GALK1: variants seen among roughly 807,000 people sequenced by gnomAD.
The protein encoded by GALK1 is galactokinase 1.
GALK1 carries 30 observed loss-of-function variants against 38.6 expected under a neutral mutation model. The observed-to-expected ratio is 0.78, with a 90% CI of 0.58 to 1.05. The LOEUF (loss-of-function observed/expected upper bound fraction) is 1.05. Ranked by LOEUF, GALK1 falls within the 50% of genes least tolerant of loss-of-function variation. GALK1 has a pLI of 0.00. For missense variants in GALK1, 512 were observed against 540.5 expected, an observed-to-expected ratio of 0.95 and a Z score of 0.52; for synonymous variants, 240 against 233.6, an observed-to-expected ratio of 1.03 and a Z score of -0.25.
At chr17:75,753,823 G>T (rs761289942), downstream of GALK1, 2 of 1,462,066 alleles carry the variant, frequency 1.4e-6, no homozygotes, top group Non-Finnish European at 1.8e-6. Context: ...GGCGCGTCAC[G>T]TGGCGGCTGC....
chr17:75,763,658 G>C, intron 2 of GALK1: 1 of 695,208 alleles, frequency 1.4e-6, no homozygotes, highest in Non-Finnish European at 2.4e-6. Flanking sequence ...TGTCCTCCTG[G>C]TTTAGGGCTC....
At position 75,758,103 on chromosome 17, in the gene GALK1, A is replaced by C. The variant is rs2061561169; in HGVS notation, c.1132T>G (p.Phe378Val). 1.2e-6 allele frequency: 2 copies of C among 1,611,934 alleles called. No homozygotes were observed. The highest frequency in any genetic ancestry group is 2.7e-5 in the African/African-American group (2 of 74,902). Reference sequence around the variant, plus strand: ...CCATCGGCTGCTTGAGAGAGGTAGAAGGTGGCAGTCCCGCCGTAGTGCTCC... The same window carrying C: ...CCATCGGCTGCTTGAGAGAGGTAGACGGTGGCAGTCCCGCCGTAGTGCTCC... Reference protein sequence around the residue: ...IQEHYGGTATFYLSQAADGAK... With the variant: ...IQEHYGGTATVYLSQAADGAK... The change falls in exon 8 of 8, where the codon TTC (phenylalanine) becomes GTC (valine). Residue 378 changes from phenylalanine (F) to valine (V), a missense_variant. Physicochemically the swap from Phe to Val is conservative, Grantham distance 50. Coordinates refer to ENST00000588479, the MANE Select transcript of GALK1 (RefSeq NM_000154.2).
At chr17:75,753,864 G>A (rs751057511), downstream of GALK1, 2 of 1,365,378 alleles carry the variant, frequency 1.5e-6, no homozygotes, top group Middle Eastern at 2.6e-4. Context: ...CTGTCGGCCA[G>A]CAGCGGGCGC....
chr17:75,755,943 C>A, downstream of GALK1: 1 of 1,457,048 alleles, frequency 6.9e-7, no homozygotes, highest in Non-Finnish European at 9.3e-7. Flanking sequence ...GTCAGGAACC[C>A]ACCCAAGTCC....
At chr17:75,757,690 C>T, downstream of GALK1, 1 of 1,261,706 alleles carries the variant, frequency 7.9e-7, no homozygotes, top group Non-Finnish European at 1.1e-6. Flanking sequence ...GGCTAGGTGT[C>T]TCCTGGGAGG....
chr17:75,758,877 G>A (rs1280625962), intron 5 of GALK1, among the ~76,000 whole-genome samples: 1 of 152,212 alleles, frequency 6.6e-6, no homozygotes, highest in East Asian at 1.9e-4. Flanking sequence ...CCCTCAAGAG[G>A]CCACCACAGA....
Position 75,761,268 on chromosome 17 carries a change from C to T in GALK1, c.793+1436G>A, listed in dbSNP as rs997344356. 4.0e-5 allele frequency among the ~76,000 whole-genome samples: 6 copies of T among 151,666 alleles called. No individual in the cohort carries two copies. In the East Asian group the frequency reaches 5.8e-4, roughly 15 times the overall value. ...AAGTTAATCACAGTGTGAGGTGTAT[C>T]AGAAAATAGTTAAGTAAATGACAGA... On this transcript the variant is annotated intron_variant, in intron 5 of 7. Coordinates refer to ENST00000588479, the MANE Select transcript of GALK1 (RefSeq NM_000154.2).
chr17:75,754,005 G>A (rs1001464209), downstream of GALK1: 21 of 1,002,428 alleles, frequency 2.1e-5, no homozygotes, highest in Non-Finnish European at 2.7e-5. Flanking sequence ...CCCCCGATCC[G>A]CGCCCACCCA....
chr17:75,762,406 G>A (rs1399222515), intron 5 of GALK1, among the ~76,000 whole-genome samples: 1 of 152,122 alleles, frequency 6.6e-6, no homozygotes, highest in Non-Finnish European at 1.5e-5. Flanking sequence ...GAAAGGAAAC[G>A]TGAAAATGTC....
chr17:75,753,422 G>A (rs928469495), downstream of GALK1, among the ~76,000 whole-genome samples: 11 of 152,298 alleles, frequency 7.2e-5, no homozygotes, highest in East Asian at 1.9e-4. Context: ...TGTACAAACG[G>A]GAAACTGAGT....
intron 1 of GALK1, chr17:75,764,706 T>C (rs778829800): frequency 1.6e-6 from 1 of 608,962 alleles, no homozygotes; most frequent in South Asian, 1.8e-5. Flanking sequence ...GCTCCCAGGT[T>C]GAAGGCGAGG....
downstream of GALK1, among the ~76,000 whole-genome samples, chr17:75,756,045 C>T (rs113495443): frequency 2.6e-5 from 4 of 152,224 alleles, no homozygotes; most frequent in Non-Finnish European, 4.4e-5. Context: ...AGGTCTCACC[C>T]ACCTCCCTGG....
downstream of GALK1, chr17:75,753,990 G>A (rs2061429326): frequency 1.8e-6 from 2 of 1,119,404 alleles, no homozygotes; most frequent in South Asian, 3.6e-5. Flanking sequence ...AGGCTCACCC[G>A]CCGCCCCCCG....
At chr17:75,755,173 A>G (rs2061467635), downstream of GALK1, 2 of 1,608,324 alleles carry the variant, frequency 1.2e-6, no homozygotes, top group African/African-American at 2.7e-5. Context: ...GAGACTCTAT[A>G]ATCCTGGCTG....
chr17:75,755,014 A>G, downstream of GALK1: 1 of 1,581,560 alleles, frequency 6.3e-7, no homozygotes, highest in Non-Finnish European at 8.6e-7. Flanking sequence ...ACATGCATGC[A>G]CACTCCCTGC....
intron 2 of GALK1, chr17:75,763,685 T>G: frequency 2.9e-6 from 2 of 697,558 alleles, no homozygotes; most frequent in South Asian, 1.8e-5. Flanking sequence ...GAAAAAAGGC[T>G]GGGGTTCAAA....
downstream of GALK1, among the ~76,000 whole-genome samples, chr17:75,754,290 G>C (rs1172511242): frequency 6.6e-6 from 1 of 152,148 alleles, no homozygotes; most frequent in Admixed American, 6.5e-5. Flanking sequence ...ATCTCCCCAG[G>C]GCAGAGCTGA....
At chr17:75,761,760 G>C (rs1158323524) in intron 5 of GALK1, among the ~76,000 whole-genome samples, 1 of 150,984 alleles carries the variant, frequency 6.6e-6, no homozygotes, top group Admixed American at 6.6e-5. Context: ...GCTCACGCCT[G>C]TAATCCCAGC....
At chr17:75,757,374 G>A (rs2061542187), downstream of GALK1, 1 of 1,612,874 alleles carries the variant, frequency 6.2e-7, no homozygotes, top group Non-Finnish European at 8.5e-7. Flanking sequence ...AGGGAGAAGG[G>A]CAGACCCCAA....
Sources: gnomAD v4.1 joint callset for allele counts (sites outside exome capture counted in the v4.1 genomes callset) on GRCh38, gnomAD v4.1.1 for gene constraint, MANE v1.5 for transcripts, NCBI Gene and HGNC (gene_info 2026-07-23, HGNC 2026-07-21) for gene names.